DIXDC1: variants seen among roughly 807,000 people sequenced by gnomAD.
DIXDC1 encodes dixin.
In DIXDC1, 64 loss-of-function variants were observed where a neutral mutation model predicts 103.1. That is an observed-to-expected ratio of 0.62 (90% CI 0.51 to 0.76). DIXDC1 has a LOEUF of 0.76. DIXDC1 is among the 30% of genes least tolerant of loss of function. The probability of loss-of-function intolerance (pLI) is 0.00; values close to 1 mark genes in which losing one functional copy is unlikely to be tolerated. For synonymous variants in DIXDC1, 266 were observed against 298.5 expected, an observed-to-expected ratio of 0.89 and a Z score of 1.12; for missense variants, 759 against 834.2, an observed-to-expected ratio of 0.91 and a Z score of 1.11.
intron 5 of DIXDC1, 57 bp downstream of exon 5, chr11:111,975,040 A>C: frequency 7.0e-6 from 11 of 1,564,018 alleles, no homozygotes; most frequent in Non-Finnish European, 9.5e-6. Flanking sequence ...CTCGGCTTCA[A>C]GTAACAATAC....
At chr11:111,937,015 ATGTGTGTG>A (rs782375854), upstream of DIXDC1, among the ~76,000 whole-genome samples, 2 of 127,558 alleles carry the variant, frequency 1.6e-5, no homozygotes, top group African/African-American at 3.2e-5. Flanking sequence ...GTATGTGTGT[ATGTGTGTG>A]TGTGTGTGTA....
intron 2 of DIXDC1, among the ~76,000 whole-genome samples, chr11:111,931,472 A>G (rs1035044694): frequency 3.3e-5 from 5 of 152,038 alleles, no homozygotes; most frequent in Non-Finnish European, 7.4e-5. Context: ...GTGAAACCCC[A>G]TCTTTACTAA....
At position 111,991,923 on chromosome 11, in the gene DIXDC1, A is replaced by C. The variant is rs587726979; in HGVS notation, c.1114-492A>C. Among the ~76,000 whole-genome samples, 4 of 152,278 alleles carry C rather than the reference A, an allele frequency of 2.6e-5. No homozygotes were observed. In the East Asian group the frequency reaches 7.7e-4, roughly 29 times the overall value. Reference sequence around the variant, plus strand: ...TGAATAGGGCCCATCTCTCCAGGAAATGGGGACTGGGCAGAGAGGTAGAAG... The same window carrying C: ...TGAATAGGGCCCATCTCTCCAGGAACTGGGGACTGGGCAGAGAGGTAGAAG... On this transcript the variant is annotated intron_variant, in intron 10 of 19. Coordinates refer to ENST00000440460, the MANE Select transcript of DIXDC1 (RefSeq NM_001037954.4).
chr11:111,930,954 A>G (rs1465784683), intron 2 of DIXDC1, among the ~76,000 whole-genome samples: 4 of 149,992 alleles, frequency 2.7e-5, no homozygotes, highest in Non-Finnish European at 4.4e-5. Flanking sequence ...CCTGGGTTCA[A>G]GCGATTCTCC....
intron 2 of DIXDC1, among the ~76,000 whole-genome samples, chr11:111,965,090 G>T (rs1213754868): frequency 6.6e-6 from 1 of 152,122 alleles, no homozygotes; most frequent in African/African-American, 2.4e-5. Context: ...CCTACCAGAA[G>T]AATTGGTATC....
intron 5 of DIXDC1, chr11:111,975,719 A>T: frequency 1.0e-6 from 1 of 985,094 alleles, no homozygotes; most frequent in Non-Finnish European, 1.2e-6. Context: ...TCCTATCCCA[A>T]CCCTGTGTAA....
At chr11:111,938,441 C>T (rs1555168484) in intron 1 of DIXDC1, among the ~76,000 whole-genome samples, 2 of 152,124 alleles carry the variant, frequency 1.3e-5, no homozygotes, top group South Asian at 4.1e-4. Flanking sequence ...TCTCTCGCTC[C>T]TTTTCCTTCC....
At position 111,982,512 on chromosome 11, in the gene DIXDC1, C is replaced by A. The variant is rs587755067; in HGVS notation, c.918+25C>A. On this transcript the variant is annotated intron_variant, in intron 7 of 19. Coordinates refer to ENST00000440460, the MANE Select transcript of DIXDC1 (RefSeq NM_001037954.4). The stretch of plus-strand genomic sequence containing the variant: ...GGTAGCTCTCTCCCTTGTAGTTTGC[C>A]CTTGTTATACCAATTGATTATTAAG... 6 of 1,602,790 alleles carry A rather than the reference C, an allele frequency of 3.7e-6. No homozygotes were observed. In the East Asian group the frequency reaches 1.1e-4, roughly 30 times the overall value.
At position 112,018,973 on chromosome 11, in the gene DIXDC1, T is replaced by C. The variant is rs782607048; in HGVS notation, c.1989T>C (p.Asp663=). The change falls in exon 20 of 20, where the codon GAT becomes GAC. Residue 663 remains aspartate, a synonymous_variant. Coordinates refer to ENST00000440460, the MANE Select transcript of DIXDC1 (RefSeq NM_001037954.4). ...TTCTCTAGATTTTCCATGATGATGA[T>C]GCCATCCCTGGATGGGAAGGGAAAA... ...TVKEEIFHDD[D]AIPGWEGKIV... is the part of the protein sequence containing the mutation. 6.2e-7 allele frequency: 1 copy of C among 1,613,660 alleles called. No homozygotes were observed. The highest frequency in any genetic ancestry group is 2.2e-5 in the East Asian group (1 of 44,874).
intron 17 of DIXDC1, among the ~76,000 whole-genome samples, chr11:111,997,233 TA>T (rs1164784499): frequency 6.6e-6 from 1 of 152,254 alleles, no homozygotes; most frequent in Non-Finnish European, 1.5e-5. Flanking sequence ...ATATGAAATG[TA>T]AAATTTTTTT....
At chr11:111,932,458 C>T (rs990442083), upstream of DIXDC1, among the ~76,000 whole-genome samples, 11 of 151,558 alleles carry the variant, frequency 7.3e-5, no homozygotes, top group South Asian at 2.1e-4. Flanking sequence ...TGGTGGCGGA[C>T]GCCTGTAGTC....
intron 17 of DIXDC1, among the ~76,000 whole-genome samples, chr11:112,011,658 A>T (rs932587218): frequency 6.6e-6 from 1 of 152,218 alleles, no homozygotes; most frequent in Admixed American, 6.5e-5. Flanking sequence ...TTGCAGGGAC[A>T]TGGATGAAAC....
chr11:111,994,576 T>C (rs1860821592), intron 14 of DIXDC1, among the ~76,000 whole-genome samples: 1 of 151,348 alleles, frequency 6.6e-6, no homozygotes, highest in Non-Finnish European at 1.5e-5. Context: ...TGTATGTATG[T>C]ATGTGTATAT....
intron 17 of DIXDC1, among the ~76,000 whole-genome samples, chr11:112,011,037 T>G (rs1477068915): frequency 6.6e-6 from 1 of 152,040 alleles, no homozygotes; most frequent in African/African-American, 2.4e-5. Flanking sequence ...GGGAGAAAAT[T>G]TTTGCAATCT....
Position 111,993,751 on chromosome 11 carries a change from C to T in DIXDC1, c.1437+11C>T, listed in dbSNP as rs782647931. ...AGAGAGGCAGATGAGGTAACCTAGA[C>T]CCCGTGTTCTCCCTCCCACATTTAT... On this transcript the variant is annotated intron_variant, in intron 14 of 19. Coordinates refer to ENST00000440460, the MANE Select transcript of DIXDC1 (RefSeq NM_001037954.4). The T allele has an allele frequency of 1.9e-6, 3 of 1,613,500 alleles. 1 individual carries two copies. In the South Asian group the frequency reaches 3.3e-5, roughly 18 times the overall value.
At chr11:111,992,589 A>G in intron 11 of DIXDC1, 70 bp downstream of exon 11, 5 of 1,331,800 alleles carry the variant, frequency 3.8e-6, no homozygotes, top group Middle Eastern at 3.6e-4. Flanking sequence ...ACGAAGAACT[A>G]TTAGACTGGC....
intron 15 of DIXDC1, 118 bp downstream of exon 15, chr11:111,995,226 T>C: frequency 7.5e-7 from 1 of 1,335,690 alleles, no homozygotes; most frequent in South Asian, 1.3e-5. Context: ...CCTGGATCTG[T>C]GGAGTGTGTA....
chr11:111,989,945 C>T (rs190093162), intron 10 of DIXDC1, among the ~76,000 whole-genome samples: 2 of 150,706 alleles, frequency 1.3e-5, no homozygotes, highest in Admixed American at 6.6e-5. Context: ...CCCGCCACCA[C>T]GCCCGGCTAA....
At chr11:111,990,775 C>G (rs782008999) in intron 10 of DIXDC1, among the ~76,000 whole-genome samples, 1 of 152,174 alleles carries the variant, frequency 6.6e-6, no homozygotes, top group East Asian at 1.9e-4. Flanking sequence ...GGTATGATCT[C>G]AGCTCACTGC....
Sources: allele counts gnomAD v4.1 joint callset (sites outside exome capture counted in the v4.1 genomes callset), GRCh38; gene constraint gnomAD v4.1.1; transcripts MANE v1.5; gene names NCBI Gene and HGNC (gene_info 2026-07-23, HGNC 2026-07-21).